KLHL40: variants seen among roughly 807,000 people sequenced by gnomAD.
KLHL40 encodes the protein kelch like family member 40.
Under a neutral mutation model 49.7 loss-of-function variants are expected in KLHL40, and 44 were observed. The ratio of observed to expected loss-of-function variants is 0.89; its 90% confidence interval spans 0.70 to 1.14. The LOEUF is 1.14. KLHL40 is among the 50% of genes most tolerant of loss of function. The pLI is 0.00. For missense variants in KLHL40, 892 were observed against 850.3 expected, an observed-to-expected ratio of 1.05 and a Z score of -0.61; for synonymous variants, 409 against 365.2, an observed-to-expected ratio of 1.12 and a Z score of -1.37.
chr3:42,691,135 T>C, intron 5 of KLHL40, 130 bp downstream of exon 5: 2 of 911,936 alleles, frequency 2.2e-6, no homozygotes, highest in East Asian at 2.7e-5. Flanking sequence ...TAGGGAGTCC[T>C]GTAGGGAGGA....
chr3:42,688,431 A>C lies in KLHL40; in HGVS notation c.1313+129A>C. 2.1e-6 allele frequency: 1 copy of C among 481,722 alleles called. No homozygotes were observed. Among genetic ancestry groups the C allele is most frequent in the Non-Finnish European group, 3.5e-6 (1 of 285,608 alleles). The allele number at this position is 481,722 out of a possible 1,614,324, so 29.8% of individuals were successfully genotyped here. On this transcript the variant is annotated intron_variant, in intron 2 of 5. Transcript: ENST00000287777. This position sits in a 1 kb window ranked among gnomAD's most constrained non-coding sequence, Gnocchi z 4.2. ...CTTAGAGTGAAGGTGGGCTTGGGTA[A>C]GGGCGGGGAGGTTGGGGGGCAGGGT...
In KLHL40 at chr3:42,688,557, T is replaced by C; in HGVS notation, c.1314-53T>C. Reference sequence around the variant, plus strand: ...GGCGGATGGGTGCAGAGACAGGGACTGAGCCGAGCCTGGATGGGTGCCCTC... The same window carrying C: ...GGCGGATGGGTGCAGAGACAGGGACCGAGCCGAGCCTGGATGGGTGCCCTC... On this transcript the variant is annotated intron_variant, in intron 2 of 5. Transcript: ENST00000287777. This position sits in a 1 kb window ranked among gnomAD's most constrained non-coding sequence, Gnocchi z 4.2. The C allele has an allele frequency of 7.3e-7, 1 of 1,363,142 alleles. No individual in the cohort carries two copies. The highest frequency in any genetic ancestry group is 1.0e-6 in the Non-Finnish European group (1 of 958,036). 84.4% of individuals were successfully genotyped at this position (1,363,142 alleles called of 1,614,324 possible).
chr3:42,686,105 G>A lies in KLHL40; in HGVS notation c.487G>A (p.Val163Met). Reference sequence around the variant, plus strand: ...CTTCATCTGCGCTCACTTCACGCTGGTGGCGCGCGACGCTGACTTCCTCGG... The same window carrying A: ...CTTCATCTGCGCTCACTTCACGCTGATGGCGCGCGACGCTGACTTCCTCGG... The part of the protein sequence containing the change: ...RDFICAHFTL[V>M]ARDADFLGLS... The change falls in exon 1 of 6, where the codon GTG (valine) becomes ATG (methionine). Residue 163 changes from valine (V) to methionine (M), a missense_variant. Coordinates refer to ENST00000287777, the MANE Select transcript of KLHL40 (RefSeq NM_152393.4). 1 of 1,601,020 alleles carries A rather than the reference G, an allele frequency of 6.2e-7. No homozygotes were observed.
rs926934045 is a variant in KLHL40, at chr3:42,692,148, G to A, written c.*155G>A. 8.1e-6 allele frequency: 5 copies of A among 616,524 alleles called. No homozygotes were observed. The highest frequency in any genetic ancestry group is 7.3e-5 in the African/African-American group (4 of 54,428). 38.2% of individuals were successfully genotyped at this position (616,524 alleles called of 1,614,324 possible). On this transcript the variant is annotated 3_prime_UTR_variant, in exon 6 of 6. Transcript: ENST00000287777. ...GGCTGCGTCAGCCAAGGAAAGGGAA[G>A]TGCTGCTTAGTCCTGGACTTTTGGG...
At chr3:42,689,931 A>C (rs1046099114) in intron 4 of KLHL40, among the ~76,000 whole-genome samples, 3 of 152,114 alleles carry the variant, frequency 2.0e-5, no homozygotes, top group Non-Finnish European at 4.4e-5. Flanking sequence ...GCAAGAGTCT[A>C]GGAGGTGGGA....
chr3:42,685,767 T>G lies in KLHL40; in HGVS notation c.149T>G (p.Val50Gly). ...CGCGAGTTCCCGTGCCATCGCCTGG[T>G]GCTGGCCGCCTGCAGCCCCTACTTC... ...GEREFPCHRL[V>G]LAACSPYFRA... Residue 50 changes from valine (V) to glycine (G), a missense_variant, in exon 1 of 6, where the codon GTG becomes GGG. Val to Gly is a moderately radical substitution (Grantham distance 109). Coordinates refer to ENST00000287777, the MANE Select transcript of KLHL40 (RefSeq NM_152393.4). 1 of 1,612,182 alleles carries G rather than the reference T, an allele frequency of 6.2e-7. No homozygotes were observed.
Position 42,692,126 on chromosome 3 carries a change from T to C in KLHL40, c.*133T>C, listed in dbSNP as rs1697380743. The C allele has an allele frequency of 3.1e-6, 2 of 643,178 alleles. No individual in the cohort carries two copies. Among genetic ancestry groups the C allele is most frequent in the African/African-American group, 1.8e-5 (1 of 55,158 alleles). The allele number at this position is 643,178 out of a possible 1,614,324, so 39.8% of individuals were successfully genotyped here. ...GATCCAGTTATGGTGCCTCAGGGGC[T>C]GCGTCAGCCAAGGAAAGGGAAGTGC... On this transcript the variant is annotated 3_prime_UTR_variant, in exon 6 of 6. Transcript: ENST00000287777.
At position 42,692,116 on chromosome 3, in the gene KLHL40, C is replaced by A; in HGVS notation, c.*123C>A. 2 of 663,812 alleles carry A rather than the reference C, an allele frequency of 3.0e-6. No homozygotes were observed. Among genetic ancestry groups the A allele is most frequent in the Non-Finnish European group, 5.5e-6 (2 of 363,788 alleles). 41.1% of individuals were successfully genotyped at this position (663,812 alleles called of 1,614,324 possible). A position where few individuals can be genotyped will look rare whatever the true frequency, so the allele number is the denominator to read the frequency against. On this transcript the variant is annotated 3_prime_UTR_variant, in exon 6 of 6. Transcript: ENST00000287777. ...AGTCTACCTGGATCCAGTTATGGTG[C>A]CTCAGGGGCTGCGTCAGCCAAGGAA...
Position 42,685,839 on chromosome 3 carries a change from T to A in KLHL40, c.221T>A (p.Leu74Gln). 3 of 1,613,322 alleles carry A rather than the reference T, an allele frequency of 1.9e-6. No homozygotes were observed. Among genetic ancestry groups the A allele is most frequent in the South Asian group, 2.2e-5 (2 of 91,090 alleles). Residue 74 changes from leucine to glutamine, a missense_variant, in exon 1 of 6, where the codon CTG (leucine) becomes CAG (glutamine). Physicochemically the swap from Leu to Gln is moderately radical, Grantham distance 113. Transcript: ENST00000287777. ...CCGGAGCGCGCGGGCGAGCTGCACCTGGAGGAGGTGTCCCCGGACGTGGTG... is the reference window on the plus strand; with the variant it reads ...CCGGAGCGCGCGGGCGAGCTGCACCAGGAGGAGGTGTCCCCGGACGTGGTG... ...AEPERAGELH[L>Q]EEVSPDVVAQ...
rs780836364 is a variant in KLHL40 at position 42,688,583 on chromosome 3, C to A, written c.1314-27C>A. On this transcript the variant is annotated intron_variant, in intron 2 of 5. Coordinates refer to ENST00000287777, the MANE Select transcript of KLHL40 (RefSeq NM_152393.4). This position sits in a 1 kb window ranked among gnomAD's most constrained non-coding sequence, Gnocchi z 4.2. ...GAGCCGAGCCTGGATGGGTGCCCTCCCCCACCCCCACTCCCGTCTCCTCCA... is the reference window on the plus strand; with the variant it reads ...GAGCCGAGCCTGGATGGGTGCCCTCACCCACCCCCACTCCCGTCTCCTCCA... The A allele has an allele frequency of 6.4e-7, 1 of 1,552,776 alleles. No homozygotes were observed.
At position 42,686,497 on chromosome 3, in the gene KLHL40, G is replaced by T. The variant is rs768096615; in HGVS notation, c.879G>T (p.Glu293Asp). The T allele has an allele frequency of 6.2e-7, 1 of 1,614,190 alleles. No individual in the cohort carries two copies. The highest frequency in any genetic ancestry group is 8.5e-7 in the Non-Finnish European group (1 of 1,180,032). Residue 293 changes from glutamate to aspartate, a missense_variant, in exon 1 of 6, where the codon GAG (glutamate) becomes GAT (aspartate). Glu to Asp is a conservative substitution (Grantham distance 45). Coordinates refer to ENST00000287777, the MANE Select transcript of KLHL40 (RefSeq NM_152393.4). ...AGGGCACAAGCAAAGCCAAAGCAGA[G>T]GAGGATGAGGAGGCCGAACGTATCC... ...ADKGTSKAKA[E>D]EDEEAERILP... is the part of the protein sequence containing the mutation.
Position 42,688,945 on chromosome 3 carries a change from C to A in KLHL40, c.1498C>A (p.Arg500Ser). The A allele has an allele frequency of 6.2e-7, 1 of 1,614,110 alleles. No homozygotes were observed. The highest frequency in any genetic ancestry group is 8.5e-7 in the Non-Finnish European group (1 of 1,179,990). ...WKELAPMQTA[R>S]SLFGATVHDG... ...GGAGCTGGCACCCATGCAGACCGCC[C>A]GCTCACTCTTTGGGGCCACTGTCCA... is the stretch of plus-strand genomic sequence containing the variant. Residue 500 changes from arginine to serine, a missense_variant, in exon 4 of 6, where the codon CGC becomes AGC. Transcript: ENST00000287777. The surrounding 1 kb of genome is among the most constrained non-coding windows in gnomAD (Gnocchi z 4.2).
intron 4 of KLHL40, 146 bp downstream of exon 4, chr3:42,689,200 G>C: frequency 2.7e-6 from 2 of 746,864 alleles, no homozygotes; most frequent in South Asian, 3.8e-5. Context: ...CTGATCAGCA[G>C]TGAGGTGGGG....
Position 42,688,056 on chromosome 3 carries a change from C to G in KLHL40, c.1153-86C>G. 2 of 1,554,944 alleles carry G rather than the reference C, an allele frequency of 1.3e-6. No individual in the cohort carries two copies. The highest frequency in any genetic ancestry group is 1.9e-4 in the Middle Eastern group (1 of 5,280). Reference sequence around the variant, plus strand: ...CCCTACCTGGGTTCCCGACCTCCTCCGTGATCTGGGGCAGTGGGACTGAGT... The same window carrying G: ...CCCTACCTGGGTTCCCGACCTCCTCGGTGATCTGGGGCAGTGGGACTGAGT... On this transcript the variant is annotated intron_variant, in intron 1 of 5. Coordinates refer to ENST00000287777, the MANE Select transcript of KLHL40 (RefSeq NM_152393.4). The surrounding 1 kb of genome is among the most constrained non-coding windows in gnomAD (Gnocchi z 4.2).
Position 42,686,155 on chromosome 3 carries a change from C to T in KLHL40, c.537C>T (p.Ala179=). The change falls in exon 1 of 6, where the codon GCC becomes GCT. Residue 179 remains alanine, a synonymous_variant. Transcript: ENST00000287777. ...FLGLSADELI[A]IISSDGLNVE... is the part of the protein sequence containing the mutation. The stretch of plus-strand genomic sequence containing the variant: ...GACTCTCGGCCGACGAGCTCATCGC[C>T]ATCATCTCCAGCGACGGCCTTAACG... 6.3e-7 allele frequency: 1 copy of T among 1,594,644 alleles called. No individual in the cohort carries two copies. The highest frequency in any genetic ancestry group is 8.5e-7 in the Non-Finnish European group (1 of 1,175,334).
Position 42,688,892 on chromosome 3 carries a change from T to C in KLHL40, c.1445T>C (p.Val482Ala). 1 of 1,614,092 alleles carries C rather than the reference T, an allele frequency of 6.2e-7. No homozygotes were observed. The highest frequency in any genetic ancestry group is 8.5e-7 in the Non-Finnish European group (1 of 1,179,988). ...AGGAAGTGCCTGAACAAGATGTGCGTCTATGACCCCAAGAAGTTTGAGTGG... is the reference window on the plus strand; with the variant it reads ...AGGAAGTGCCTGAACAAGATGTGCGCCTATGACCCCAAGAAGTTTGAGTGG... ...SDRKCLNKMC[V>A]YDPKKFEWKE... Residue 482 changes from valine (V) to alanine (A), a missense_variant, in exon 4 of 6, where the codon GTC becomes GCC. Val to Ala is a moderately conservative substitution (Grantham distance 64). Coordinates refer to ENST00000287777, the MANE Select transcript of KLHL40 (RefSeq NM_152393.4). This position sits in a 1 kb window ranked among gnomAD's most constrained non-coding sequence, Gnocchi z 4.2.
At position 42,688,562 on chromosome 3, in the gene KLHL40, C is replaced by T. The variant is rs374432092; in HGVS notation, c.1314-48C>T. ...ATGGGTGCAGAGACAGGGACTGAGC[C>T]GAGCCTGGATGGGTGCCCTCCCCCA... On this transcript the variant is annotated intron_variant, in intron 2 of 5. Coordinates refer to ENST00000287777, the MANE Select transcript of KLHL40 (RefSeq NM_152393.4). This position sits in a 1 kb window ranked among gnomAD's most constrained non-coding sequence, Gnocchi z 4.2. 1.6e-5 allele frequency: 23 copies of T among 1,413,136 alleles called. No homozygotes were observed. Among genetic ancestry groups the T allele is most frequent in the East Asian group, 1.4e-4 (6 of 43,472 alleles). 87.5% of individuals were successfully genotyped at this position (1,413,136 alleles called of 1,614,324 possible).
chr3:42,690,017 G>A (rs1050214213), intron 4 of KLHL40, among the ~76,000 whole-genome samples: 1 of 152,292 alleles, frequency 6.6e-6, no homozygotes, highest in East Asian at 1.9e-4. Context: ...AGGGTGGGAG[G>A]CCATTTACTG....
At chr3:42,686,996 T>C (rs1026828806) in intron 1 of KLHL40, among the ~76,000 whole-genome samples, 1 of 152,176 alleles carries the variant, frequency 6.6e-6, no homozygotes, top group African/African-American at 2.4e-5. Flanking sequence ...TTCAGGGGTG[T>C]GGTAGCCCCA....
Sources: gnomAD v4.1 joint callset for allele counts (sites outside exome capture counted in the v4.1 genomes callset) on GRCh38, gnomAD v4.1.1 for gene constraint, Gnocchi (gnomAD v3.1) non-coding constraint, MANE v1.5 for transcripts, NCBI Gene and HGNC (gene_info 2026-07-23, HGNC 2026-07-21) for gene names.